Variants in CDH17 observed in about 807,000 individuals in gnomAD.
CDH17 encodes the protein cadherin 17.
A neutral mutation model predicts 86.3 loss-of-function variants in CDH17; 67 were observed. The observed-to-expected ratio is 0.78, with a 90% CI of 0.64 to 0.95. The LOEUF (loss-of-function observed/expected upper bound fraction) is 0.95. CDH17 is among the 40% of genes least tolerant of loss of function. The pLI, the probability that CDH17 is intolerant of heterozygous loss-of-function variation, is 0.00. For missense variants in CDH17, 993 were observed against 1,017.6 expected, an observed-to-expected ratio of 0.98 and a Z score of 0.33; for synonymous variants, 367 against 366.4, an observed-to-expected ratio of 1.00 and a Z score of -0.02.
At chr8:94,170,305 G>T in intron 9 of CDH17, 92 bp downstream of exon 9, 1 of 1,315,654 alleles carries the variant, frequency 7.6e-7, no homozygotes, top group South Asian at 1.4e-5. Context: ...ATGGATTACT[G>T]ACTCCCAGTA....
intron 12 of CDH17, among the ~76,000 whole-genome samples, chr8:94,152,531 G>T (rs1457692685): frequency 1.3e-5 from 2 of 152,190 alleles, no homozygotes; most frequent in African/African-American, 2.4e-5. Context: ...CCAAGTGGCT[G>T]GGATTATAGG....
chr8:94,170,416 G>A lies in CDH17; in HGVS notation c.1047C>T (p.Val349=), dbSNP rs1207840260. 6.2e-7 allele frequency: 1 copy of A among 1,613,764 alleles called. No individual in the cohort carries two copies. Among genetic ancestry groups the A allele is most frequent in the Admixed American group, 1.7e-5 (1 of 60,002 alleles). The part of the protein sequence containing the change: ...TCPSPVTVFE[V]QENERLGNSI... ...TCTTACCCAGTCGTTCATTCTCCTGGACCTCAAATACGGTTACTGGTGACG... is the reference window on the plus strand; with the variant it reads ...TCTTACCCAGTCGTTCATTCTCCTGAACCTCAAATACGGTTACTGGTGACG... The change falls in exon 9 of 18, where the codon GTC becomes GTT. Residue 349 remains valine (V), a synonymous_variant. Coordinates refer to ENST00000027335, the MANE Select transcript of CDH17 (RefSeq NM_004063.4).
upstream of CDH17, among the ~76,000 whole-genome samples, chr8:94,208,968 G>T (rs538222037): frequency 6.6e-6 from 1 of 152,128 alleles, no homozygotes; most frequent in Non-Finnish European, 1.5e-5. Flanking sequence ...CGGAGCAGGG[G>T]CGCCATGTCT....
At chr8:94,132,660 CTTTAG>C (rs1282523053) in intron 15 of CDH17, among the ~76,000 whole-genome samples, 1 of 152,108 alleles carries the variant, frequency 6.6e-6, no homozygotes, top group Non-Finnish European at 1.5e-5. Context: ...TGCAGAAGCT[CTTTAG>C]TTTAATTAGA....
intron 5 of CDH17, 69 bp from the exon 6 acceptor site, chr8:94,174,329 T>G: frequency 6.9e-7 from 1 of 1,458,706 alleles, no homozygotes; most frequent in Non-Finnish European, 9.2e-7. Flanking sequence ...CAACCATAGC[T>G]ACTTTTTCCA....
At chr8:94,149,062 T>C (rs1563569813) in intron 13 of CDH17, among the ~76,000 whole-genome samples, 188 bp from the exon 14 acceptor site, 1 of 152,178 alleles carries the variant, frequency 6.6e-6, no homozygotes, top group African/African-American at 2.4e-5. Context: ...TTAAAGGATC[T>C]ATTATCTCAT....
rs1160825593 is a variant in CDH17, at chr8:94,139,892, T to TA, written c.2167+6035dup. On this transcript the variant is annotated intron_variant, in intron 15 of 17. Transcript: ENST00000027335. ...ACAGAGTAAGACTGTCTCCAAAAAA[T>TA]AAAAAATAAATAAAAAAAAAGGGGG... Among the ~76,000 whole-genome samples the TA allele has an allele frequency of 3.2e-4, 35 of 109,960 alleles. No individual in the cohort carries two copies. In the South Asian group the frequency reaches 3.5e-3, roughly 11 times the overall value. The allele number at this position is 109,960 out of a possible 152,430, so 72.1% of individuals were successfully genotyped here.
chr8:94,154,589 T>C (rs1812912832), intron 12 of CDH17, among the ~76,000 whole-genome samples: 1 of 152,120 alleles, frequency 6.6e-6, no homozygotes, highest in Non-Finnish European at 1.5e-5. Flanking sequence ...TGGTTTAATA[T>C]GAGGCAGAAT....
chr8:94,131,416 C>T (rs1563562348), intron 15 of CDH17, among the ~76,000 whole-genome samples: 1 of 152,172 alleles, frequency 6.6e-6, no homozygotes, highest in Non-Finnish European at 1.5e-5. Flanking sequence ...TCTTATTTAA[C>T]ATATATTGTT....
Position 94,152,106 on chromosome 8 carries a change from C to T in CDH17, c.1558G>A (p.Asp520Asn). 6.2e-7 allele frequency: 1 copy of T among 1,613,930 alleles called. No homozygotes were observed. Among genetic ancestry groups the T allele is most frequent in the Non-Finnish European group, 8.5e-7 (1 of 1,179,886 alleles). ...TGYVIIKKPL[D>N]FETAAVSNIV... ...TTGGAAACAGCTGCTGTTTCAAAAT[C>T]AAGAGGCTGTGTAGGAGAAAGAGAG... The change falls in exon 13 of 18, where the codon GAT becomes AAT. Residue 520 changes from aspartate (D) to asparagine (N), a missense_variant. Asp to Asn is a conservative substitution (Grantham distance 23). Transcript: ENST00000027335.
At chr8:94,172,619 G>A (rs576901264) in intron 7 of CDH17, among the ~76,000 whole-genome samples, 1 of 152,244 alleles carries the variant, frequency 6.6e-6, no homozygotes, top group African/African-American at 2.4e-5. Context: ...ACTTGTTTAT[G>A]ATCAGTCATT....
intron 3 of CDH17, among the ~76,000 whole-genome samples, chr8:94,188,005 A>C (rs972943495): frequency 1.3e-5 from 2 of 152,126 alleles, no homozygotes; most frequent in African/African-American, 4.8e-5. Flanking sequence ...TACCAATGAA[A>C]GAAAGGGGAA....
At chr8:94,174,287 A>G in intron 5 of CDH17, 27 bp from the exon 6 acceptor site, 3 of 1,554,854 alleles carry the variant, frequency 1.9e-6, no homozygotes, top group Middle Eastern at 3.5e-4. Context: ...ACCCAGAAAA[A>G]AAAAAAAAAA....
intron 3 of CDH17, among the ~76,000 whole-genome samples, chr8:94,183,543 A>G (rs1401549020): frequency 1.3e-5 from 2 of 151,476 alleles, no homozygotes; most frequent in Admixed American, 1.3e-4. Context: ...CCCTTACCCC[A>G]TACCATACAC....
chr8:94,212,927 C>T (rs986098928), upstream of CDH17, among the ~76,000 whole-genome samples: 9 of 152,208 alleles, frequency 5.9e-5, no homozygotes, highest in African/African-American at 2.2e-4. Context: ...CAAATGCCTT[C>T]CAGGTCTTTC....
At chr8:94,146,232 T>A in intron 14 of CDH17, 65 bp from the exon 15 acceptor site, 2 of 1,366,778 alleles carry the variant, frequency 1.5e-6, no homozygotes, top group Non-Finnish European at 1.9e-6. Flanking sequence ...AAGAAAGATT[T>A]CCCTTTCTTT....
intron 15 of CDH17, among the ~76,000 whole-genome samples, chr8:94,140,037 A>G (rs1337571874): frequency 6.6e-6 from 1 of 152,246 alleles, no homozygotes; most frequent in Non-Finnish European, 1.5e-5. Flanking sequence ...TATAAGGTAT[A>G]GGAAATATTC....
At position 94,194,706 on chromosome 8, in the gene CDH17, C is replaced by A; in HGVS notation, c.-20-1G>T. ...ATCATAGTTTTCTTTATTCAAATTCCTGTGAAGGAACCAGATAAAAAAATG... is the reference window on the plus strand; with the variant it reads ...ATCATAGTTTTCTTTATTCAAATTCATGTGAAGGAACCAGATAAAAAAATG... On this transcript the variant is annotated splice_acceptor_variant, in intron 1 of 17. Coordinates refer to ENST00000027335, the MANE Select transcript of CDH17 (RefSeq NM_004063.4). LOFTEE classifies it low-confidence loss of function (5UTR_SPLICE). 1 of 1,552,036 alleles carries A rather than the reference C, an allele frequency of 6.4e-7. No individual in the cohort carries two copies. Among genetic ancestry groups the A allele is most frequent in the Non-Finnish European group, 8.8e-7 (1 of 1,130,706 alleles).
chr8:94,176,034 A>G lies in CDH17; in HGVS notation c.424+507T>C, dbSNP rs150027016. On this transcript the variant is annotated intron_variant, in intron 5 of 17. Coordinates refer to ENST00000027335, the MANE Select transcript of CDH17 (RefSeq NM_004063.4). Reference sequence around the variant, plus strand: ...CTCCCAAGTAGCTAGGACTACAGGCATGCACCACCACACCTGGCAAACTAT... The same window carrying G: ...CTCCCAAGTAGCTAGGACTACAGGCGTGCACCACCACACCTGGCAAACTAT... Among the ~76,000 whole-genome samples, 1,236 of 152,142 alleles carry G rather than the reference A, an allele frequency of 8.1e-3. 22 individuals are homozygous for G. Among genetic ancestry groups the G allele is most frequent in the African/African-American group, 0.027 (1,116 of 41,504 alleles).
Sources: gnomAD v4.1 joint callset for allele counts (sites outside exome capture counted in the v4.1 genomes callset) on GRCh38, gnomAD v4.1.1 for gene constraint, MANE v1.5 for transcripts, NCBI Gene and HGNC (gene_info 2026-07-23, HGNC 2026-07-21) for gene names.